The following RIT2 variants were observed in gnomAD, a reference collection of about 807,000 sequenced individuals.
RIT2 encodes the protein GTP-binding protein Rit2.
A neutral mutation model predicts 23.7 loss-of-function variants in RIT2; 24 were observed. The ratio of observed to expected loss-of-function variants is 1.01; its 90% confidence interval spans 0.73 to 1.43. RIT2 has a LOEUF of 1.43. Ranked by LOEUF, RIT2 falls within the 40% of genes most tolerant of loss-of-function variation. The pLI, the probability that RIT2 is intolerant of heterozygous loss-of-function variation, is 0.00. For synonymous variants in RIT2, 107 were observed against 91.1 expected (o/e 1.17, Z -0.99); for missense variants, 236 against 266.9 (o/e 0.88, Z 0.81).
chr18:42,883,695 G>C (rs1907951780), intron 4 of RIT2, among the ~76,000 whole-genome samples: 1 of 152,090 alleles, frequency 6.6e-6, no homozygotes. Flanking sequence ...AAATGGAAAA[G>C]TTTCTCTTCA....
rs137890292 is a variant in RIT2 at position 43,089,593 on chromosome 18, A to T, written c.103+25824T>A. On this transcript the variant is annotated intron_variant, in intron 1 of 4. Coordinates refer to ENST00000326695, the MANE Select transcript of RIT2 (RefSeq NM_002930.4). ...GACAATCCTAAGCAAAAAAAAATAA[A>T]AAAAAAAATAAAGCTGGAGGTGTCA... Among the ~76,000 whole-genome samples the T allele has an allele frequency of 4.8e-3, 699 of 146,900 alleles. 7 individuals carry two copies. The highest frequency in any genetic ancestry group is 0.018 in the African/African-American group (667 of 36,770).
chr18:43,104,976 T>C (rs896160386), intron 1 of RIT2, among the ~76,000 whole-genome samples: 5 of 152,096 alleles, frequency 3.3e-5, no homozygotes, highest in Non-Finnish European at 5.9e-5. Context: ...TTGGAAAAAT[T>C]AATTTCAGTC....
intron 4 of RIT2, among the ~76,000 whole-genome samples, chr18:42,922,658 A>C (rs771426094): frequency 6.6e-6 from 1 of 152,136 alleles, no homozygotes; most frequent in South Asian, 2.1e-4. Context: ...TAGTTCGGCC[A>C]TCTGTTATTG....
At chr18:43,057,750 T>A (rs1225758695) in intron 1 of RIT2, among the ~76,000 whole-genome samples, 5 of 151,244 alleles carry the variant, frequency 3.3e-5, no homozygotes, top group Non-Finnish European at 7.4e-5. Context: ...GGGCAGCAGA[T>A]ATTAATATTT....
At position 42,963,672 on chromosome 18, in the gene RIT2, C is replaced by G. The variant is rs560494302; in HGVS notation, c.234+10402G>C. 1.2e-4 allele frequency among the ~76,000 whole-genome samples: 18 copies of G among 152,204 alleles called. No individual in the cohort carries two copies. The East Asian group carries it at 3.1e-3, about 26-fold the overall frequency. On this transcript the variant is annotated intron_variant, in intron 3 of 4. Transcript: ENST00000326695. ...CTTTGCAAGGCCAAGGAGGGCTGAT[C>G]GCTTGAGGTTAGGAGTTTGAAATCA...
intron 4 of RIT2, among the ~76,000 whole-genome samples, chr18:42,896,402 G>A (rs16977107): frequency 0.014 from 2,118 of 152,252 alleles, 53 homozygotes; most frequent in African/African-American, 0.049. Flanking sequence ...TCTCTCAATG[G>A]CCATTTTTTC....
chr18:42,815,044 T>C (rs533635248), intron 4 of RIT2, among the ~76,000 whole-genome samples: 1 of 152,260 alleles, frequency 6.6e-6, no homozygotes, highest in East Asian at 1.9e-4. Flanking sequence ...CTAGACCGTT[T>C]CTCTGACACA....
intron 1 of RIT2, among the ~76,000 whole-genome samples, chr18:43,036,435 G>A (rs896713526): frequency 6.6e-6 from 1 of 152,158 alleles, no homozygotes; most frequent in East Asian, 1.9e-4. Flanking sequence ...AGCTACTCAG[G>A]AGGCTGAGGC....
intron 4 of RIT2, among the ~76,000 whole-genome samples, chr18:42,846,189 G>T (rs1906904428): frequency 1.3e-5 from 2 of 151,712 alleles, no homozygotes; most frequent in South Asian, 2.1e-4. Context: ...GAAAAAAGTG[G>T]GTGTTAAGTA....
chr18:42,745,212 C>A (rs1375726096), intron 4 of RIT2, among the ~76,000 whole-genome samples: 1 of 152,176 alleles, frequency 6.6e-6, no homozygotes, highest in Non-Finnish European at 1.5e-5. Flanking sequence ...TCCCCAGAAT[C>A]CTGAGTTACC....
At chr18:43,067,377 A>T (rs1480202369) in intron 1 of RIT2, among the ~76,000 whole-genome samples, 1 of 152,136 alleles carries the variant, frequency 6.6e-6, no homozygotes, top group Non-Finnish European at 1.5e-5. Flanking sequence ...GCCCAAAATG[A>T]GTGACCATGT....
chr18:42,981,266 T>C (rs1910591848), intron 2 of RIT2, among the ~76,000 whole-genome samples: 1 of 152,168 alleles, frequency 6.6e-6, no homozygotes, highest in African/African-American at 2.4e-5. Context: ...CCATGATCTC[T>C]GCAATACCTG....
chr18:43,029,975 T>C (rs879421427), intron 2 of RIT2, among the ~76,000 whole-genome samples: 2 of 152,050 alleles, frequency 1.3e-5, no homozygotes, highest in Non-Finnish European at 2.9e-5. Context: ...TATAGCAATA[T>C]TTAAAAATGA....
At chr18:42,798,192 T>A (rs1262220389) in intron 4 of RIT2, among the ~76,000 whole-genome samples, 1 of 152,218 alleles carries the variant, frequency 6.6e-6, no homozygotes. Context: ...TCAAAATTCA[T>A]CATTAAGTAA....
chr18:43,027,208 A>T (rs1028651847), intron 2 of RIT2, among the ~76,000 whole-genome samples: 4 of 152,122 alleles, frequency 2.6e-5, no homozygotes, highest in African/African-American at 9.6e-5. Flanking sequence ...TTGATTGAAT[A>T]AAGTATTAGA....
chr18:43,027,146 T>C (rs986558679), intron 2 of RIT2, among the ~76,000 whole-genome samples: 1 of 152,096 alleles, frequency 6.6e-6, no homozygotes, highest in Admixed American at 6.6e-5. Flanking sequence ...AGTCAAGGTA[T>C]CCCTAATAAA....
chr18:43,092,947 A>G (rs991947540), intron 1 of RIT2, among the ~76,000 whole-genome samples: 1 of 152,076 alleles, frequency 6.6e-6, no homozygotes, highest in Admixed American at 6.6e-5. Flanking sequence ...ATCACTACAT[A>G]TTAGCTAATA....
At chr18:42,997,913 A>G (rs958697678) in intron 2 of RIT2, among the ~76,000 whole-genome samples, 3 of 152,152 alleles carry the variant, frequency 2.0e-5, no homozygotes, top group Non-Finnish European at 2.9e-5. Flanking sequence ...TTATTTTTCC[A>G]TGTCCTTGAC....
chr18:42,923,963 T>C (rs1039318633), intron 3 of RIT2, among the ~76,000 whole-genome samples, 200 bp from the exon 4 acceptor site: 1 of 152,044 alleles, frequency 6.6e-6, no homozygotes, highest in Non-Finnish European at 1.5e-5. Context: ...AGGGATTATA[T>C]AAAGATGATT....
Sources: gnomAD v4.1 joint callset for allele counts (sites outside exome capture counted in the v4.1 genomes callset) on GRCh38, gnomAD v4.1.1 for gene constraint, MANE v1.5 for transcripts, NCBI Gene and HGNC (gene_info 2026-07-23, HGNC 2026-07-21) for gene names.